The following MOXD1 variants were observed in gnomAD, a reference collection of about 807,000 sequenced individuals.
MOXD1 encodes monooxygenase DBH like 1.
In MOXD1, 62 loss-of-function variants were observed where a neutral mutation model predicts 66.6. The ratio of observed to expected loss-of-function variants is 0.93; its 90% confidence interval spans 0.76 to 1.15. The LOEUF is 1.15. Ranked by LOEUF, MOXD1 falls within the 50% of genes most tolerant of loss-of-function variation. MOXD1 has a pLI of 0.00. For synonymous variants in MOXD1, 303 were observed against 281.9 expected (o/e 1.07, Z -0.75); for missense variants, 847 against 754.6 (o/e 1.12, Z -1.44).
chr6:132,370,702 T>C (rs73546091), intron 4 of MOXD1, among the ~76,000 whole-genome samples: 8,576 of 152,136 alleles, frequency 0.056, 452 homozygotes, highest in African/African-American at 0.14. Flanking sequence ...ACTTTTGTTG[T>C]CTAGAAGACC....
At chr6:132,384,259 TTC>T (rs1562299156) in intron 1 of MOXD1, among the ~76,000 whole-genome samples, 2 of 109,176 alleles carry the variant, frequency 1.8e-5, no homozygotes, top group East Asian at 1.1e-3. Flanking sequence ...CCTTCCTTCC[TTC>T]CTTCCTTCCT....
chr6:132,339,761 G>T (rs1775511569), intron 4 of MOXD1, among the ~76,000 whole-genome samples: 2 of 152,060 alleles, frequency 1.3e-5, no homozygotes, highest in Non-Finnish European at 2.9e-5. Flanking sequence ...AAGAGAAACT[G>T]TGCTACATCA....
intron 4 of MOXD1, among the ~76,000 whole-genome samples, chr6:132,372,201 C>T (rs185525792): frequency 6.6e-6 from 1 of 151,974 alleles, no homozygotes; most frequent in African/African-American, 2.4e-5. Flanking sequence ...TTTTTTATGA[C>T]AATATCCAGT....
At chr6:132,328,259 T>G in intron 5 of MOXD1, 144 bp from the exon 6 acceptor site, 2 of 1,209,114 alleles carry the variant, frequency 1.7e-6, no homozygotes, top group Non-Finnish European at 2.3e-6. Flanking sequence ...TAAAAATGAC[T>G]TAAAGAAAGA....
At chr6:132,330,506 C>G (rs1250510220) in intron 4 of MOXD1, among the ~76,000 whole-genome samples, 1 of 152,216 alleles carries the variant, frequency 6.6e-6, no homozygotes, top group East Asian at 1.9e-4. Flanking sequence ...GAAACCAGTT[C>G]CCTGTTACCA....
chr6:132,335,904 A>G (rs2114598556), intron 4 of MOXD1, among the ~76,000 whole-genome samples: 1 of 152,290 alleles, frequency 6.6e-6, no homozygotes, highest in East Asian at 1.9e-4. Flanking sequence ...ATTTATAGCT[A>G]AATATATGTG....
chr6:132,328,987 TAAGTTCTA>T (rs1213423298), intron 4 of MOXD1, among the ~76,000 whole-genome samples: 1 of 152,128 alleles, frequency 6.6e-6, no homozygotes, highest in Non-Finnish European at 1.5e-5. Flanking sequence ...TATTATACTT[TAAGTTCTA>T]GGGTACATGT....
intron 6 of MOXD1, 71 bp downstream of exon 6, chr6:132,327,942 C>G: frequency 8.2e-7 from 1 of 1,216,170 alleles, no homozygotes; most frequent in Non-Finnish European, 1.2e-6. Context: ...TGTTTCAACT[C>G]TGTTAAAGAC....
chr6:132,359,121 CTT>C (rs1209201997), intron 4 of MOXD1, among the ~76,000 whole-genome samples: 4 of 138,402 alleles, frequency 2.9e-5, no homozygotes, highest in Admixed American at 7.2e-5. Flanking sequence ...TGCAGCTTTC[CTT>C]TTTTTTTTTT....
At chr6:132,383,258 TCA>T (rs1010688149) in intron 1 of MOXD1, among the ~76,000 whole-genome samples, 12 of 152,298 alleles carry the variant, frequency 7.9e-5, no homozygotes, top group African/African-American at 2.6e-4. Flanking sequence ...TCCTAAAAAA[TCA>T]CAGAGCTGTA....
At chr6:132,323,108 A>T (rs1462857107) in intron 7 of MOXD1, among the ~76,000 whole-genome samples, 1 of 152,250 alleles carries the variant, frequency 6.6e-6, no homozygotes, top group African/African-American at 2.4e-5. Context: ...CCATTTCTAC[A>T]TGTTATCCTC....
At chr6:132,309,044 A>T (rs1774762060) in intron 10 of MOXD1, among the ~76,000 whole-genome samples, 1 of 152,202 alleles carries the variant, frequency 6.6e-6, no homozygotes, top group Non-Finnish European at 1.5e-5. Flanking sequence ...AGAAAGAAAC[A>T]AAGAGTATTT....
rs558202647 is a variant in MOXD1, at chr6:132,349,485, A to G, written c.664-20891T>C. Among the ~76,000 whole-genome samples, 92 of 24,892 alleles carry G rather than the reference A, an allele frequency of 3.7e-3. 8 individuals carry two copies. Among genetic ancestry groups the G allele is most frequent in the East Asian group, 0.028 (5 of 180 alleles). The allele number at this position is 24,892 out of a possible 152,430, so 16.3% of individuals were successfully genotyped here. A position where few individuals can be genotyped will look rare whatever the true frequency, so the allele number is the denominator to read the frequency against. ...TATATACATATATATATATATACAT[A>G]TATATATATACCACAGTTTCTTTAT... On this transcript the variant is annotated intron_variant, in intron 4 of 11. Transcript: ENST00000367963.
chr6:132,299,709 T>C (rs1477378571), intron 10 of MOXD1, among the ~76,000 whole-genome samples: 1 of 152,132 alleles, frequency 6.6e-6, no homozygotes, highest in Admixed American at 6.6e-5. Context: ...TGCTGGCATG[T>C]CACAAAATTT....
chr6:132,357,551 A>G (rs1016343384), intron 4 of MOXD1, among the ~76,000 whole-genome samples: 4 of 141,166 alleles, frequency 2.8e-5, no homozygotes, highest in Non-Finnish European at 6.1e-5. Flanking sequence ...AGGAACTAAT[A>G]TACCATATAA....
intron 4 of MOXD1, among the ~76,000 whole-genome samples, chr6:132,350,366 A>C (rs1006826517): frequency 2.6e-5 from 4 of 152,280 alleles, no homozygotes; most frequent in African/African-American, 9.6e-5. Flanking sequence ...TCTCAGCACC[A>C]TTTGTTGAAA....
At chr6:132,312,974 A>G (rs1360254292) in intron 10 of MOXD1, among the ~76,000 whole-genome samples, 1 of 152,216 alleles carries the variant, frequency 6.6e-6, no homozygotes, top group Non-Finnish European at 1.5e-5. Context: ...AAGGCTAAGT[A>G]AGGAACAATA....
intron 1 of MOXD1, among the ~76,000 whole-genome samples, chr6:132,381,232 C>T (rs1426248374): frequency 1.3e-5 from 2 of 152,082 alleles, no homozygotes; most frequent in African/African-American, 2.4e-5. Flanking sequence ...AAAGATAAAA[C>T]ACAAGAACCT....
intron 10 of MOXD1, among the ~76,000 whole-genome samples, chr6:132,310,229 C>T (rs1774798023): frequency 6.6e-6 from 1 of 152,018 alleles, no homozygotes; most frequent in African/African-American, 2.4e-5. Context: ...ATTTATGTGG[C>T]CAAGAAATAT....
Sources: gnomAD v4.1 joint callset for allele counts (sites outside exome capture counted in the v4.1 genomes callset) on GRCh38, gnomAD v4.1.1 for gene constraint, MANE v1.5 for transcripts, NCBI Gene and HGNC (gene_info 2026-07-23, HGNC 2026-07-21) for gene names.